The following MS4A7 variants were observed in gnomAD, a reference collection of about 807,000 sequenced individuals.
MS4A7 encodes the protein membrane spanning 4-domains A7.
MS4A7 carries 21 observed loss-of-function variants against 23.5 expected under a neutral mutation model. That is an observed-to-expected ratio of 0.89 (90% CI 0.63 to 1.29). MS4A7 has a LOEUF of 1.29. Among genes scored for constraint, MS4A7 ranks in the 50% most tolerant of loss-of-function variants. MS4A7 has a pLI of 0.00. For synonymous variants in MS4A7, 111 were observed against 107.4 expected (o/e 1.03, Z -0.21); for missense variants, 263 against 274.2 (o/e 0.96, Z 0.29).
intron 2 of MS4A7, 93 bp from the exon 3 acceptor site, chr11:60,384,995 A>ATCT (rs2085468572): frequency 1.7e-6 from 2 of 1,198,536 alleles, no homozygotes; most frequent in Non-Finnish European, 2.4e-6. Flanking sequence ...ATTATAATGT[A>ATCT]TTTTATACTC....
Position 60,385,101 on chromosome 11 carries a change from T to A in MS4A7, c.161T>A (p.Leu54Gln), listed in dbSNP as rs1304861542. The change falls in exon 3 of 7, where the codon CTG (leucine) becomes CAG (glutamine). Residue 54 changes from leucine (L) to glutamine (Q), a missense_variant. Physicochemically the swap from Leu to Gln is moderately radical, Grantham distance 113. Coordinates refer to ENST00000300184, the MANE Select transcript of MS4A7 (RefSeq NM_021201.5). ...TCTCTCTTGTAGACTGTCCAGATCC[T>A]GTGTTGCCTGTTGATTTCAAGTCTG... ...ETTVLGTVQI[L>Q]CCLLISSLGA... 2.5e-6 allele frequency: 4 copies of A among 1,613,884 alleles called. No individual in the cohort carries two copies. Among genetic ancestry groups the A allele is most frequent in the Non-Finnish European group, 3.4e-6 (4 of 1,179,850 alleles).
intron 1 of MS4A7, among the ~76,000 whole-genome samples, chr11:60,381,191 CCTT>C (rs2085425163): frequency 1.3e-5 from 2 of 152,158 alleles, no homozygotes; most frequent in Admixed American, 6.5e-5. Context: ...CACTTTTTCT[CCTT>C]CTCTGGCTTT....
intron 2 of MS4A7, among the ~76,000 whole-genome samples, chr11:60,384,239 T>C (rs1197322803): frequency 2.0e-5 from 3 of 152,204 alleles, no homozygotes; most frequent in African/African-American, 4.8e-5. Context: ...GTGGGATTCC[T>C]TTTTTGCTCA....
chr11:60,393,941 C>A lies in MS4A7; in HGVS notation c.*80C>A. 3.6e-6 allele frequency: 3 copies of A among 828,686 alleles called. No homozygotes were observed. The highest frequency in any genetic ancestry group is 5.6e-6 in the Non-Finnish European group (3 of 538,760). 51.3% of individuals were successfully genotyped at this position (828,686 alleles called of 1,614,324 possible). A position where few individuals can be genotyped will look rare whatever the true frequency, so the allele number is the denominator to read the frequency against. The stretch of plus-strand genomic sequence containing the variant: ...GATTAGACTTTCCTGAAATCTCTGC[C>A]ATTTTAGATACTGTGAAACAAACTA... On this transcript the variant is annotated 3_prime_UTR_variant, in exon 7 of 7. Transcript: ENST00000300184.
chr11:60,393,708 G>A (rs2085578808), intron 6 of MS4A7, 79 bp from the exon 7 acceptor site: 12 of 1,098,212 alleles, frequency 1.1e-5, no homozygotes, highest in South Asian at 3.0e-5. Flanking sequence ...ACAAAACTTG[G>A]GGAAAAGGTA....
At position 60,389,494 on chromosome 11, in the gene MS4A7, T is replaced by C. The variant is rs780014958; in HGVS notation, c.444T>C (p.His148=). 5 of 1,614,106 alleles carry C rather than the reference T, an allele frequency of 3.1e-6. No homozygotes were observed. Among genetic ancestry groups the C allele is most frequent in the Non-Finnish European group, 4.2e-6 (5 of 1,179,952 alleles). Residue 148 remains histidine, a synonymous_variant, in exon 5 of 7, where the codon CAT becomes CAC. Coordinates refer to ENST00000300184, the MANE Select transcript of MS4A7 (RefSeq NM_021201.5). ...TAGCCCTGAGGACTGCCTCTCAACA[T>C]TGTGGCTCAGAAATGGATTATCTAT... ...SMVALRTASQ[H]CGSEMDYLSS...
intron 5 of MS4A7, 107 bp from the exon 6 acceptor site, chr11:60,392,578 T>C: frequency 2.7e-6 from 2 of 734,316 alleles, no homozygotes; most frequent in Non-Finnish European, 4.6e-6. Context: ...CAATTTTCCC[T>C]GTCTCCTTTT....
chr11:60,392,504 G>A (rs539914570), intron 5 of MS4A7, among the ~76,000 whole-genome samples, 181 bp from the exon 6 acceptor site: 4 of 152,198 alleles, frequency 2.6e-5, no homozygotes, highest in Non-Finnish European at 4.4e-5. Flanking sequence ...AGATGATGCC[G>A]TTGCTGCTTA....
intron 6 of MS4A7, among the ~76,000 whole-genome samples, chr11:60,393,008 C>T (rs2085571033): frequency 1.3e-5 from 2 of 152,178 alleles, no homozygotes; most frequent in Admixed American, 6.5e-5. Flanking sequence ...GTAGTCCCAG[C>T]TAGTTGGGAG....
rs1053151040 is a variant in MS4A7 at position 60,389,608 on chromosome 11, C to T, written c.546+12C>T. On this transcript the variant is annotated intron_variant, in intron 5 of 6. Coordinates refer to ENST00000300184, the MANE Select transcript of MS4A7 (RefSeq NM_021201.5). Reference sequence around the variant, plus strand: ...GTGTCAGTTTAACAGTGAGTAGTTTCAGACTGAATATCCTGTCATGTGAAA... The same window carrying T: ...GTGTCAGTTTAACAGTGAGTAGTTTTAGACTGAATATCCTGTCATGTGAAA... The T allele has an allele frequency of 3.7e-6, 6 of 1,603,902 alleles. No individual in the cohort carries two copies. Among genetic ancestry groups the T allele is most frequent in the Admixed American group, 1.7e-5 (1 of 60,004 alleles).
At chr11:60,379,114 G>A (rs150920031) in intron 1 of MS4A7, among the ~76,000 whole-genome samples, 2 of 152,236 alleles carry the variant, frequency 1.3e-5, no homozygotes, top group African/African-American at 4.8e-5. Context: ...TCCTCAAGGC[G>A]AATGTGGAAG....
chr11:60,383,054 A>C (rs908453985), intron 1 of MS4A7, 75 bp from the exon 2 acceptor site: 7 of 1,495,228 alleles, frequency 4.7e-6, no homozygotes, highest in Admixed American at 1.9e-5. Flanking sequence ...AAGTTCCTAC[A>C]AAGTATGGTC....
At chr11:60,387,230 C>T (rs944135502) in intron 4 of MS4A7, among the ~76,000 whole-genome samples, 24 of 152,134 alleles carry the variant, frequency 1.6e-4, no homozygotes, top group Admixed American at 2.0e-4. Context: ...AGCCCTTCAG[C>T]GTCAGGGTGA....
At position 60,393,896 on chromosome 11, in the gene MS4A7, C is replaced by T. The variant is rs2085581810; in HGVS notation, c.*35C>T. ...GGCCTCAGAGGAAGGAAAAGCAACTCAACACTCATGGTCAAGTGTGATTAG... is the reference window on the plus strand; with the variant it reads ...GGCCTCAGAGGAAGGAAAAGCAACTTAACACTCATGGTCAAGTGTGATTAG... On this transcript the variant is annotated 3_prime_UTR_variant, in exon 7 of 7. Transcript: ENST00000300184. The T allele has an allele frequency of 7.1e-7, 1 of 1,417,306 alleles. No individual in the cohort carries two copies. Among genetic ancestry groups the T allele is most frequent in the African/African-American group, 1.4e-5 (1 of 69,194 alleles). 87.8% of individuals were successfully genotyped at this position (1,417,306 alleles called of 1,614,324 possible).
chr11:60,386,172 C>T (rs7116823), intron 3 of MS4A7, among the ~76,000 whole-genome samples: 47 of 152,336 alleles, frequency 3.1e-4, no homozygotes, highest in African/African-American at 1.1e-3. Flanking sequence ...ATCTTTAATA[C>T]CACTGAGATT....
rs150973462 is a variant in MS4A7 at position 60,384,080 on chromosome 11, C to T, written c.147+792C>T. Among the ~76,000 whole-genome samples the T allele has an allele frequency of 5.3e-3, 800 of 152,232 alleles. 6 individuals are homozygous for T. The highest frequency in any genetic ancestry group is 0.021 in the South Asian group (101 of 4,818). On this transcript the variant is annotated intron_variant, in intron 2 of 6. Coordinates refer to ENST00000300184, the MANE Select transcript of MS4A7 (RefSeq NM_021201.5). The stretch of plus-strand genomic sequence containing the variant: ...TTTAATCTCCATGTGGTTTTGAATA[C>T]CCTCTTATAATACCCAGGTCCTATT...
chr11:60,380,536 A>T (rs931922440), intron 1 of MS4A7, among the ~76,000 whole-genome samples: 29 of 152,260 alleles, frequency 1.9e-4, no homozygotes, highest in Non-Finnish European at 1.6e-4. Context: ...AGTATCAATT[A>T]AACTTTCGAG....
intron 4 of MS4A7, 87 bp downstream of exon 4, chr11:60,386,860 C>T: frequency 8.6e-7 from 1 of 1,163,074 alleles, no homozygotes; most frequent in Non-Finnish European, 1.2e-6. Flanking sequence ...CCCTATTTTA[C>T]AATTTAGAGA....
At chr11:60,389,728 T>C (rs2135105315) in intron 5 of MS4A7, 132 bp downstream of exon 5, 1 of 818,390 alleles carries the variant, frequency 1.2e-6, no homozygotes, top group Non-Finnish European at 2.0e-6. Context: ...AAACAAAAAC[T>C]TGTGGTTGGA....
Sources: allele counts gnomAD v4.1 joint callset (sites outside exome capture counted in the v4.1 genomes callset), GRCh38; gene constraint gnomAD v4.1.1; transcripts MANE v1.5; gene names NCBI Gene and HGNC (gene_info 2026-07-23, HGNC 2026-07-21).